Variants in STAT4 observed in about 807,000 individuals in gnomAD.
The protein encoded by STAT4 is signal transducer and activator of transcription 4.
STAT4 carries 42 observed loss-of-function variants against 110.5 expected under a neutral mutation model. The ratio of observed to expected loss-of-function variants is 0.38; its 90% CI spans 0.30 to 0.49. The LOEUF is 0.49. Ranked by LOEUF, STAT4 falls within the 20% of genes least tolerant of loss-of-function variation. The pLI is 0.95. For missense variants in STAT4, 632 were observed against 887.9 expected, an observed-to-expected ratio of 0.71 and a Z score of 3.66; for synonymous variants, 284 against 302.2, an observed-to-expected ratio of 0.94 and a Z score of 0.63.
At chr2:191,093,146 C>T (rs1697852370) in intron 3 of STAT4, among the ~76,000 whole-genome samples, 1 of 152,224 alleles carries the variant, frequency 6.6e-6, no homozygotes, top group East Asian at 1.9e-4. Context: ...GCAGCAGAAA[C>T]TTCTGCAGAC....
intron 7 of STAT4, 45 bp from the exon 8 acceptor site, chr2:191,065,003 G>C: frequency 6.8e-7 from 1 of 1,467,644 alleles, no homozygotes; most frequent in African/African-American, 1.5e-5. Context: ...TAAGAAATAA[G>C]TCACTTAGAA....
At chr2:191,040,088 A>G (rs1696147559) in intron 15 of STAT4, among the ~76,000 whole-genome samples, 1 of 152,200 alleles carries the variant, frequency 6.6e-6, no homozygotes. Flanking sequence ...GAATTCTAAA[A>G]CAATATACTC....
rs967646548 is a variant in STAT4, at chr2:191,030,820, A to C, written c.2220+152T>G. On this transcript the variant is annotated intron_variant, in intron 23 of 23. Coordinates refer to ENST00000392320, the MANE Select transcript of STAT4 (RefSeq NM_003151.4). The surrounding 1 kb of genome is among the most constrained non-coding windows in gnomAD (Gnocchi z 4.4). Reference sequence around the variant, plus strand: ...CATAATATCAGCAACACGCAGGACCATCCAGACACCTTTTGTGTTATGCTC... The same window carrying C: ...CATAATATCAGCAACACGCAGGACCCTCCAGACACCTTTTGTGTTATGCTC... 1 of 666,222 alleles carries C rather than the reference A, an allele frequency of 1.5e-6. No individual in the cohort carries two copies. The highest frequency in any genetic ancestry group is 1.8e-5 in the South Asian group (1 of 55,558). 41.3% of individuals were successfully genotyped at this position (666,222 alleles called of 1,614,324 possible).
In STAT4 at chr2:191,058,844, C is replaced by T; in HGVS notation, c.1035-75G>A. On this transcript the variant is annotated intron_variant, in intron 10 of 23. Transcript: ENST00000392320. This position sits in a 1 kb window ranked among gnomAD's most constrained non-coding sequence, Gnocchi z 4.3. The stretch of plus-strand genomic sequence containing the variant: ...TTAAAAACCCTTTTTTATATTTAAA[C>T]ATTTAAATATACTATGAAATATGCA... 1.5e-5 allele frequency: 12 copies of T among 793,188 alleles called. No homozygotes were observed. The highest frequency in any genetic ancestry group is 2.3e-5 in the Non-Finnish European group (11 of 485,550). 49.1% of individuals were successfully genotyped at this position (793,188 alleles called of 1,614,324 possible).
At chr2:191,054,425 T>G in intron 14 of STAT4, 65 bp downstream of exon 14, 1 of 1,351,476 alleles carries the variant, frequency 7.4e-7, no homozygotes, top group African/African-American at 1.5e-5. Context: ...TTTAAAAGCT[T>G]TGTAAAAATA....
In STAT4 at chr2:191,039,163, T is replaced by C. The variant is rs758592990; in HGVS notation, c.1434+36A>G. ...TTTGTTGGCAATAAAACAAATCGAA[T>C]AGCATTAAAGAAGTTGAGGTAGAAA... On this transcript the variant is annotated intron_variant, in intron 16 of 23. Coordinates refer to ENST00000392320, the MANE Select transcript of STAT4 (RefSeq NM_003151.4). The surrounding 1 kb of genome is among the most constrained non-coding windows in gnomAD (Gnocchi z 4.7). 9.4e-5 allele frequency: 149 copies of C among 1,578,532 alleles called. 1 individual carries two copies. Among genetic ancestry groups the C allele is most frequent in the South Asian group, 6.6e-4 (60 of 90,324 alleles).
intron 3 of STAT4, among the ~76,000 whole-genome samples, chr2:191,102,532 G>A (rs2125337717): frequency 6.6e-6 from 1 of 152,176 alleles, no homozygotes; most frequent in East Asian, 1.9e-4. Context: ...TCCCGCTGTG[G>A]GCTACTGTGC....
intron 3 of STAT4, among the ~76,000 whole-genome samples, chr2:191,097,111 A>G (rs1218852280): frequency 6.6e-6 from 1 of 152,220 alleles, no homozygotes; most frequent in Non-Finnish European, 1.5e-5. Context: ...CTGCTCGACG[A>G]AATAAAAGAG....
At chr2:191,132,760 T>C (rs535663237) in intron 3 of STAT4, among the ~76,000 whole-genome samples, 5 of 150,264 alleles carry the variant, frequency 3.3e-5, no homozygotes, top group Admixed American at 3.3e-4. Context: ...GTTTTCTTTT[T>C]TTTTTTTTTT....
intron 5 of STAT4, among the ~76,000 whole-genome samples, chr2:191,071,308 C>T (rs1424011228): frequency 1.3e-5 from 2 of 152,126 alleles, no homozygotes; most frequent in Non-Finnish European, 2.9e-5. Context: ...ACCCCAATAC[C>T]ACTTGTAGCA....
intron 6 of STAT4, among the ~76,000 whole-genome samples, chr2:191,069,451 A>G (rs1205419534): frequency 6.6e-6 from 1 of 151,994 alleles, no homozygotes; most frequent in Non-Finnish European, 1.5e-5. Flanking sequence ...ATTTATGTTG[A>G]ATTTGTTGGT....
chr2:191,132,808 G>T (rs539520127), intron 3 of STAT4, among the ~76,000 whole-genome samples: 3 of 148,162 alleles, frequency 2.0e-5, no homozygotes, highest in Non-Finnish European at 3.0e-5. Context: ...AGGCTGGAGT[G>T]CAGTGGCGTG....
At chr2:191,036,625 A>C in intron 16 of STAT4, among the ~76,000 whole-genome samples, 1 of 152,272 alleles carries the variant, frequency 6.6e-6, no homozygotes, top group Non-Finnish European at 1.5e-5. Context: ...TTGGCTTCTC[A>C]AGTTGCCCGC....
At chr2:191,106,647 A>AAAAATAAAATAAAAT (rs199803507) in intron 3 of STAT4, among the ~76,000 whole-genome samples, 3,255 of 127,236 alleles carry the variant, frequency 0.026, 89 homozygotes, top group African/African-American at 0.058. Flanking sequence ...ACTCCATCTC[A>AAAAATAAAATAAAAT]AAAATAAAAT....
Position 191,057,974 on chromosome 2 carries a change from T to C in STAT4, c.1206+44A>G, listed in dbSNP as rs377696671. Reference sequence around the variant, plus strand: ...AAGGCGTATTAGTAAAGATGTCTGATTTTGGGGAAAAAAAAGCCTGTTTAA... The same window carrying C: ...AAGGCGTATTAGTAAAGATGTCTGACTTTGGGGAAAAAAAAGCCTGTTTAA... On this transcript the variant is annotated intron_variant, in intron 13 of 23. Transcript: ENST00000392320. 16 of 1,487,416 alleles carry C rather than the reference T, an allele frequency of 1.1e-5. 1 individual carries two copies. The highest frequency in any genetic ancestry group is 1.0e-4 in the South Asian group (9 of 88,208). 92.1% of individuals were successfully genotyped at this position (1,487,416 alleles called of 1,614,324 possible).
chr2:191,098,759 T>G (rs1365433530), intron 3 of STAT4, among the ~76,000 whole-genome samples: 1 of 152,082 alleles, frequency 6.6e-6, no homozygotes, highest in Non-Finnish European at 1.5e-5. Flanking sequence ...AAGTATAATT[T>G]AAAAAATAAA....
Position 191,039,955 on chromosome 2 carries a change from A to T in STAT4, c.1336-658T>A, listed in dbSNP as rs1574699212. Among the ~76,000 whole-genome samples the T allele has an allele frequency of 2.0e-5, 3 of 152,246 alleles. No individual in the cohort carries two copies. The East Asian group carries it at 5.8e-4, about 29-fold the overall frequency. On this transcript the variant is annotated intron_variant, in intron 15 of 23. Transcript: ENST00000392320. The surrounding 1 kb of genome is among the most constrained non-coding windows in gnomAD (Gnocchi z 4.7). ...GACATCAGATTCCTGTAGATGGTAA[A>T]ATACCCATTTGAGGAACTTTAACAA...
At chr2:191,049,380 G>A (rs1393167078) in intron 14 of STAT4, among the ~76,000 whole-genome samples, 1 of 152,000 alleles carries the variant, frequency 6.6e-6, no homozygotes, top group Non-Finnish European at 1.5e-5. Context: ...GTTTCACTGT[G>A]TTAGCCAGGA....
chr2:191,111,593 C>T (rs13403574), intron 3 of STAT4, among the ~76,000 whole-genome samples: 1 of 152,172 alleles, frequency 6.6e-6, no homozygotes. Context: ...TGGCTCATGC[C>T]TGTAATCCCA....
Sources: allele counts gnomAD v4.1 joint callset (sites outside exome capture counted in the v4.1 genomes callset), GRCh38; gene constraint gnomAD v4.1.1; non-coding constraint Gnocchi (gnomAD v3.1); transcripts MANE v1.5; gene names NCBI Gene and HGNC (gene_info 2026-07-23, HGNC 2026-07-21).